Variants in AKAP13 observed in about 807,000 individuals in gnomAD.
AKAP13 encodes A-kinase anchor protein 13.
In AKAP13, 80 loss-of-function variants were observed where a neutral mutation model predicts 264.5. The observed-to-expected ratio is 0.30, with a 90% CI of 0.25 to 0.36. AKAP13 has a LOEUF of 0.36. AKAP13 is among the 10% of genes least tolerant of loss of function. The probability of loss-of-function intolerance (pLI) is 1.00; values close to 1 mark genes in which losing one functional copy is unlikely to be tolerated. For synonymous variants in AKAP13, 1,380 were observed against 1,250.2 expected, an observed-to-expected ratio of 1.10 and a Z score of -2.19; for missense variants, 3,712 against 3,435.2, an observed-to-expected ratio of 1.08 and a Z score of -2.01.
chr15:85,485,425 A>G (rs1298848798), intron 1 of AKAP13, among the ~76,000 whole-genome samples: 1 of 152,216 alleles, frequency 6.6e-6, no homozygotes, highest in Non-Finnish European at 1.5e-5. Flanking sequence ...ACTGTTTTAA[A>G]TATCCTGTTG....
intron 4 of AKAP13, chr15:85,536,115 G>A (rs562256357): frequency 6.6e-6 from 1 of 152,030 alleles, no homozygotes; most frequent in Non-Finnish European, 1.5e-5. Flanking sequence ...TCCTCTCTTT[G>A]GGCCTTAACT....
At chr15:85,667,835 C>G (rs2083687295) in intron 13 of AKAP13, among the ~76,000 whole-genome samples, 1 of 152,118 alleles carries the variant, frequency 6.6e-6, no homozygotes, top group African/African-American at 2.4e-5. Flanking sequence ...TTATGTGATA[C>G]CTTTTCTAAG....
At chr15:85,489,405 C>T (rs1349677352) in intron 2 of AKAP13, among the ~76,000 whole-genome samples, 1 of 152,178 alleles carries the variant, frequency 6.6e-6, no homozygotes, top group African/African-American at 2.4e-5. Flanking sequence ...AATATGTTAT[C>T]TCCTTTTTAA....
intron 8 of AKAP13, among the ~76,000 whole-genome samples, chr15:85,629,058 A>G (rs1342808279): frequency 2.6e-5 from 4 of 152,086 alleles, no homozygotes; most frequent in Non-Finnish European, 5.9e-5. Context: ...ACAACTGGGC[A>G]TGGTGGCACA....
chr15:85,420,277 G>A (rs2072465262), intron 1 of AKAP13, among the ~76,000 whole-genome samples: 1 of 151,684 alleles, frequency 6.6e-6, no homozygotes, highest in Non-Finnish European at 1.5e-5. Context: ...ACAGTATTCT[G>A]ATAGAGCAGC....
chr15:85,670,085 T>A (rs1327771651), intron 14 of AKAP13, among the ~76,000 whole-genome samples: 1 of 151,610 alleles, frequency 6.6e-6, no homozygotes, highest in Admixed American at 6.6e-5. Flanking sequence ...CTTTTTAAAA[T>A]TTTTTTATTT....
chr15:85,609,338 G>GA (rs2080495909), intron 8 of AKAP13, among the ~76,000 whole-genome samples: 1 of 152,050 alleles, frequency 6.6e-6, no homozygotes, highest in South Asian at 2.1e-4. Flanking sequence ...AACTTATTTA[G>GA]ATTCCACATT....
chr15:85,630,450 T>C (rs981652017), intron 8 of AKAP13, among the ~76,000 whole-genome samples: 3 of 152,234 alleles, frequency 2.0e-5, no homozygotes, highest in African/African-American at 7.2e-5. Flanking sequence ...ACACATTTCA[T>C]TGTCTACTAT....
chr15:85,446,681 C>T (rs190049851), intron 1 of AKAP13, among the ~76,000 whole-genome samples: 16 of 151,012 alleles, frequency 1.1e-4, no homozygotes, highest in East Asian at 3.9e-4. Context: ...TCGTCTTCCC[C>T]GCTTTGCCCA....
chr15:85,600,668 A>G (rs1359548229), intron 8 of AKAP13, among the ~76,000 whole-genome samples: 1 of 152,258 alleles, frequency 6.6e-6, no homozygotes, highest in Admixed American at 6.5e-5. Flanking sequence ...CATGACATTA[A>G]TTTTAAATTT....
intron 1 of AKAP13, among the ~76,000 whole-genome samples, chr15:85,458,397 T>TTG (rs1437772112): frequency 3.4e-4 from 50 of 147,494 alleles, no homozygotes; most frequent in African/African-American, 9.1e-4. Flanking sequence ...TTTTTTGTTT[T>TTG]TTTTTTTTTT....
At position 85,735,022 on chromosome 15, in the gene AKAP13, A is replaced by T; in HGVS notation, c.7313A>T (p.Asn2438Ile). The change falls in exon 31 of 37, where the codon AAT (asparagine) becomes ATT (isoleucine). Residue 2438 changes from asparagine (N) to isoleucine (I), a missense_variant. By Grantham distance (149) the Asn-to-Ile change is moderately radical (BLOSUM62 -3). This residue lies in a region of AKAP13 where 611 missense variants were observed against 539.3 expected (regional missense o/e 1.13). Transcript: ENST00000394518. ...VEILQGLVSG[N>I]LGGTLGPTVS... is the part of the protein sequence containing the mutation. ...ATCCTTCAGGGTTTGGTGAGTGGAA[A>T]TCTGGGAGGCACACTTGGGCCGACT... The T allele has an allele frequency of 6.2e-7, 1 of 1,614,164 alleles. No individual in the cohort carries two copies. The highest frequency in any genetic ancestry group is 8.5e-7 in the Non-Finnish European group (1 of 1,180,012).
At chr15:85,436,746 A>G (rs1259542886) in intron 1 of AKAP13, among the ~76,000 whole-genome samples, 1 of 151,974 alleles carries the variant, frequency 6.6e-6, no homozygotes, top group Non-Finnish European at 1.5e-5. Flanking sequence ...GAAGGCAGAA[A>G]TAAAAATGTT....
At chr15:85,709,265 T>G (rs1393689258) in intron 18 of AKAP13, among the ~76,000 whole-genome samples, 1 of 152,062 alleles carries the variant, frequency 6.6e-6, no homozygotes, top group Non-Finnish European at 1.5e-5. Flanking sequence ...CTTCTTAGAG[T>G]CTGTATTTAC....
At chr15:85,682,501 T>C (rs771984181) in intron 15 of AKAP13, among the ~76,000 whole-genome samples, 10 of 152,214 alleles carry the variant, frequency 6.6e-5, no homozygotes, top group Non-Finnish European at 1.5e-4. Context: ...CCTTTGCTTA[T>C]GGGATTTTTA....
rs1435592026 is a variant in AKAP13 at position 85,446,698 on chromosome 15, CTTTTTCTTTTTCTT to C, written c.-11-39006_-11-38993del. Among the ~76,000 whole-genome samples, 20 of 133,002 alleles carry C rather than the reference CTTTTTCTTTTTCTT, an allele frequency of 1.5e-4. No homozygotes were observed. The East Asian group carries it at 3.9e-3, about 26-fold the overall frequency. The allele number at this position is 133,002 out of a possible 152,430, so 87.3% of individuals were successfully genotyped here. ...GTCTTCCCCGCTTTGCCCAGCCCTT[CTTTTTCTTTTTCTT>C]TTTTTTTTTTTTTTTTGAGACAGAG... On this transcript the variant is annotated intron_variant, in intron 1 of 36. Coordinates refer to ENST00000394518, the MANE Select transcript of AKAP13 (RefSeq NM_007200.5).
intron 7 of AKAP13, chr15:85,582,851 C>A: frequency 1.0e-6 from 1 of 985,218 alleles, no homozygotes; most frequent in Non-Finnish European, 1.2e-6. Context: ...GAGCTGCTGT[C>A]ACAGGGCAGA....
At chr15:85,639,203 A>G (rs1460649267) in intron 8 of AKAP13, among the ~76,000 whole-genome samples, 171 bp from the exon 9 acceptor site, 1 of 151,960 alleles carries the variant, frequency 6.6e-6, no homozygotes, top group Non-Finnish European at 1.5e-5. Flanking sequence ...TTGAGTATAG[A>G]TTGCTGTGGT....
chr15:85,455,163 A>T (rs144423494), intron 1 of AKAP13, among the ~76,000 whole-genome samples: 2,117 of 152,168 alleles, frequency 0.014, 25 homozygotes, highest in Non-Finnish European at 0.023. Context: ...TCTGCCTTTT[A>T]ATGTATTAAT....
Sources: gnomAD v4.1 joint callset for allele counts (sites outside exome capture counted in the v4.1 genomes callset) on GRCh38, gnomAD v4.1.1 for gene constraint, gnomAD v4.1.1 regional missense constraint, MANE v1.5 for transcripts, NCBI Gene and HGNC (gene_info 2026-07-23, HGNC 2026-07-21) for gene names.